The following CAMK2G variants were observed in gnomAD, a reference collection of about 807,000 sequenced individuals.
The protein encoded by CAMK2G is calcium/calmodulin dependent protein kinase II gamma, also known as calcium/calmodulin-dependent protein kinase type II subunit gamma.
A neutral mutation model predicts 88.7 loss-of-function variants in CAMK2G; 23 were observed. That is an observed-to-expected ratio of 0.26 (90% CI 0.19 to 0.37). The LOEUF is 0.37. CAMK2G is among the 10% of genes least tolerant of loss of function. CAMK2G has a pLI of 1.00. For missense variants in CAMK2G, 476 were observed against 780.8 expected, an observed-to-expected ratio of 0.61 and a Z score of 4.65; for synonymous variants, 263 against 294.8, an observed-to-expected ratio of 0.89 and a Z score of 1.11.
Position 73,848,004 on chromosome 10 carries a change from T to C in CAMK2G, c.680A>G (p.Lys227Arg). The C allele has an allele frequency of 6.2e-7, 1 of 1,609,712 alleles. No individual in the cohort carries two copies. The change falls in exon 9 of 23, where the codon AAG becomes AGG. Residue 227 changes from lysine (K) to arginine (R), a missense_variant. Physicochemically the swap from Lys to Arg is conservative, Grantham distance 26 (BLOSUM62 2). Coordinates refer to ENST00000423381, the MANE Select transcript of CAMK2G (RefSeq NM_001367534.1). This position sits in a 1 kb window ranked among gnomAD's most constrained non-coding sequence, Gnocchi z 4.5. ...GGTCCTTACATCATAGGCTCCAGCC[T>C]TGATCTGCTGATACAGCTTGTGCTG... Reference protein sequence around the residue: ...EDQHKLYQQIKAGAYDFPSPE... With the variant: ...EDQHKLYQQIRAGAYDFPSPE...
At chr10:73,867,335 G>A (rs2095631993) in intron 2 of CAMK2G, among the ~76,000 whole-genome samples, 1 of 152,242 alleles carries the variant, frequency 6.6e-6, no homozygotes, top group South Asian at 2.1e-4. Flanking sequence ...AGAAGGCAAG[G>A]CTCTGCCTGG....
At chr10:73,820,492 A>ATATATATTTT (rs1554995765) in intron 18 of CAMK2G, among the ~76,000 whole-genome samples, 3 of 51,058 alleles carry the variant, frequency 5.9e-5, no homozygotes, top group African/African-American at 1.8e-4. Context: ...ATATATATAT[A>ATATATATTTT]TTTTTTTTTT....
rs572299905 is a variant in CAMK2G at position 73,847,400 on chromosome 10, G to C, written c.697-53C>G. 4.5e-5 allele frequency: 72 copies of C among 1,592,128 alleles called. No homozygotes were observed. In the Middle Eastern group the frequency reaches 6.7e-4, roughly 15 times the overall value. ...GTGGTATTGGTGAGCTTCATACCCT[G>C]CAACACTGGTTCTGTCTTCAACTCA... is the stretch of plus-strand genomic sequence containing the variant. On this transcript the variant is annotated intron_variant, in intron 9 of 22. Transcript: ENST00000423381.
intron 17 of CAMK2G, among the ~76,000 whole-genome samples, chr10:73,823,396 AG>A (rs1390158140): frequency 6.6e-6 from 1 of 152,026 alleles, no homozygotes; most frequent in Non-Finnish European, 1.5e-5. Flanking sequence ...TTTGTATTTT[AG>A]TAGAGACAGG....
At position 73,817,183 on chromosome 10, in the gene CAMK2G, C is replaced by T. The variant is rs563023834; in HGVS notation, c.1440-66G>A. On this transcript the variant is annotated intron_variant, in intron 20 of 22. Coordinates refer to ENST00000423381, the MANE Select transcript of CAMK2G (RefSeq NM_001367534.1). ...GGAGTGACTTGTCTTCCTTCCTTAT[C>T]AGCGGTGTCTATCCAGTAGCAGCAG... 3 of 1,543,992 alleles carry T rather than the reference C, an allele frequency of 1.9e-6. No homozygotes were observed. In the East Asian group the frequency reaches 6.7e-5, roughly 35 times the overall value.
chr10:73,823,485 G>A (rs974754339), intron 17 of CAMK2G, among the ~76,000 whole-genome samples: 2 of 152,194 alleles, frequency 1.3e-5, no homozygotes, highest in African/African-American at 2.4e-5. Flanking sequence ...CAAAGTGTGA[G>A]GATTACAGGT....
intron 5 of CAMK2G, among the ~76,000 whole-genome samples, chr10:73,849,761 C>A (rs952485766): frequency 1.3e-5 from 2 of 152,220 alleles, no homozygotes; most frequent in African/African-American, 2.4e-5. Context: ...TCCAACTAAA[C>A]AACCTAAGCT....
Position 73,873,556 on chromosome 10 carries a change from A to G in CAMK2G, c.66-473T>C, listed in dbSNP as rs565450499. The G allele has an allele frequency of 3.0e-6, 3 of 994,454 alleles. No homozygotes were observed. The South Asian group carries it at 1.3e-4, about 44-fold the overall frequency. The allele number at this position is 994,454 out of a possible 1,614,324, so 61.6% of individuals were successfully genotyped here. ...AGAAATCTCCCTCAACCATGGGGCA[A>G]AGTGAGGCTCAAACCCCCCCACAGC... On this transcript the variant is annotated intron_variant, in intron 1 of 22. Coordinates refer to ENST00000423381, the MANE Select transcript of CAMK2G (RefSeq NM_001367534.1).
intron 3 of CAMK2G, among the ~76,000 whole-genome samples, chr10:73,854,307 G>A (rs775050260): frequency 2.0e-5 from 3 of 152,146 alleles, no homozygotes; most frequent in Non-Finnish European, 4.4e-5. Context: ...CCTGCTCCCC[G>A]CCTCCAAAGC....
intron 20 of CAMK2G, 133 bp from the exon 21 acceptor site, chr10:73,817,250 A>G (rs1197794982): frequency 3.1e-6 from 4 of 1,290,266 alleles, no homozygotes; most frequent in African/African-American, 3.0e-5. Context: ...AAGATCTTCC[A>G]GGCCTGCCTG....
At chr10:73,818,635 G>A (rs779322875) in intron 19 of CAMK2G, 1 of 451,332 alleles carries the variant, frequency 2.2e-6, no homozygotes, top group Non-Finnish European at 4.4e-6. Context: ...CCAGGAGGGG[G>A]CCCCACAGCC....
Position 73,842,202 on chromosome 10 carries a change from G to T in CAMK2G, c.913C>A (p.Leu305Ile). Residue 305 changes from leucine to isoleucine, a missense_variant, in exon 12 of 23, where the codon CTC (leucine) becomes ATC (isoleucine). Around this residue, in one of 3 missense-constraint regions of CAMK2G, gnomAD observed 164 missense variants for 385.6 expected, o/e 0.43. Coordinates refer to ENST00000423381, the MANE Select transcript of CAMK2G (RefSeq NM_001367534.1). This position sits in a 1 kb window ranked among gnomAD's most constrained non-coding sequence, Gnocchi z 4.6. ...NARRKLKGAI[L>I]TTMLVSRNFS... ...TTCCTGGAGACAAGCATGGTCGTGA[G>T]GATGGCACCCTGGGGAAAGAGGAAG... The T allele has an allele frequency of 6.2e-7, 1 of 1,612,466 alleles. No homozygotes were observed. The highest frequency in any genetic ancestry group is 8.5e-7 in the Non-Finnish European group (1 of 1,178,440).
At chr10:73,843,532 C>T (rs1477885583) in intron 10 of CAMK2G, among the ~76,000 whole-genome samples, 5 of 152,250 alleles carry the variant, frequency 3.3e-5, no homozygotes, top group African/African-American at 9.6e-5. Flanking sequence ...TCGAGACACA[C>T]GGGACTGCAG....
rs937898708 is a variant in CAMK2G at position 73,870,192 on chromosome 10, C to T, written c.160+2797G>A. ...ACGACTTATCATTGCCATCACCTGG[C>T]CCACTAGCTCCTGCATCCAAGCCTA... is the stretch of plus-strand genomic sequence containing the variant. On this transcript the variant is annotated intron_variant, in intron 2 of 22. Coordinates refer to ENST00000423381, the MANE Select transcript of CAMK2G (RefSeq NM_001367534.1). Among the ~76,000 whole-genome samples the T allele has an allele frequency of 2.6e-5, 4 of 152,168 alleles. 1 individual carries two copies. Among genetic ancestry groups the T allele is most frequent in the South Asian group, 4.1e-4 (2 of 4,824 alleles).
chr10:73,823,231 T>G (rs1047668568), intron 17 of CAMK2G, among the ~76,000 whole-genome samples: 1 of 151,976 alleles, frequency 6.6e-6, no homozygotes, highest in African/African-American at 2.4e-5. Context: ...TTATTTTTTT[T>G]GAGAGATTAA....
At chr10:73,814,900 C>T in intron 22 of CAMK2G, 103 bp downstream of exon 22, 1 of 761,660 alleles carries the variant, frequency 1.3e-6, no homozygotes, top group Non-Finnish European at 2.1e-6. Flanking sequence ...TCTGGGACGG[C>T]CCACACCTCC....
Position 73,842,064 on chromosome 10 carries a change from G to A in CAMK2G, c.946+105C>T. The stretch of plus-strand genomic sequence containing the variant: ...GATCCTCACTCGCCCTGGTCAAGGT[G>A]TGGCCCAGGACGCCGAGGAAACCCA... On this transcript the variant is annotated intron_variant, in intron 12 of 22. Transcript: ENST00000423381. The surrounding 1 kb of genome is among the most constrained non-coding windows in gnomAD (Gnocchi z 4.6). 1.2e-6 allele frequency: 1 copy of A among 860,876 alleles called. No individual in the cohort carries two copies. The highest frequency in any genetic ancestry group is 1.3e-5 in the South Asian group (1 of 74,660). 53.3% of individuals were successfully genotyped at this position (860,876 alleles called of 1,614,324 possible).
Position 73,818,811 on chromosome 10 carries a change from G to A in CAMK2G, c.1363+721C>T, listed in dbSNP as rs760209269. 2.6e-4 allele frequency: 119 copies of A among 456,172 alleles called. 2 individuals are homozygous for A. The highest frequency in any genetic ancestry group is 2.5e-3 in the Admixed American group (107 of 42,556). The allele number at this position is 456,172 out of a possible 1,614,324, so 28.3% of individuals were successfully genotyped here. On this transcript the variant is annotated intron_variant, in intron 19 of 22. Transcript: ENST00000423381. ...ATGACCTGACTGGGGCCCCACGGGC[G>A]AAGAGGGTTGTGCTTAGAAACTCTG... is the stretch of plus-strand genomic sequence containing the variant.
At chr10:73,824,355 T>C (rs1363285235) in intron 16 of CAMK2G, among the ~76,000 whole-genome samples, 1 of 152,184 alleles carries the variant, frequency 6.6e-6, no homozygotes, top group Admixed American at 6.5e-5. Flanking sequence ...AGGGCCTCTG[T>C]CCCTGATTCC....
Sources: gnomAD v4.1 joint callset for allele counts (sites outside exome capture counted in the v4.1 genomes callset) on GRCh38, gnomAD v4.1.1 for gene constraint, gnomAD v4.1.1 regional missense constraint, Gnocchi (gnomAD v3.1) non-coding constraint, MANE v1.5 for transcripts, NCBI Gene and HGNC (gene_info 2026-07-23, HGNC 2026-07-21) for gene names.